The following LILRB2 variants were observed in gnomAD, a reference collection of about 807,000 sequenced individuals.
The protein encoded by LILRB2 is leukocyte immunoglobulin-like receptor subfamily B member 2.
A neutral mutation model predicts 72.7 loss-of-function variants in LILRB2; 47 were observed. That is an observed-to-expected ratio of 0.65 (90% CI 0.51 to 0.82). The LOEUF (loss-of-function observed/expected upper bound fraction) is 0.82, where lower values mean the gene tolerates loss of function less well. LILRB2 is among the 40% of genes least tolerant of loss of function. LILRB2 has a pLI of 0.00. For synonymous variants in LILRB2, 279 were observed against 313.7 expected (o/e 0.89, Z 1.17); for missense variants, 767 against 764.8 (o/e 1.00, Z -0.03).
chr19:54,276,767 AC>A (rs974721255), intron 10 of LILRB2, 39 bp downstream of exon 10: 2 of 1,600,738 alleles, frequency 1.2e-6, no homozygotes, highest in African/African-American at 2.7e-5. Context: ...CCCTGAGCCC[AC>A]CCTCGGTCGG....
chr19:54,276,441 T>C lies in LILRB2; in HGVS notation c.1496A>G (p.Asp499Gly). Residue 499 changes from aspartate (D) to glycine (G), a missense_variant, in exon 11 of 14, where the codon GAT (aspartate) becomes GGT (glycine). By Grantham distance (94) the Asp-to-Gly change is moderately conservative. Around this residue, in one of 3 missense-constraint regions of LILRB2, gnomAD observed 162 missense variants for 176.7 expected, o/e 0.92. Coordinates refer to ENST00000314446, the MANE Select transcript of LILRB2 (RefSeq NM_001080978.4). ...KHWTSTQRKA[D>G]FQHPAGAVGP... Reference sequence around the variant, plus strand: ...CACAGCCCCTGCAGGATGTTGGAAATCAGCCTTTCTCTGGGCTGGGGGAAG... The same window carrying C: ...CACAGCCCCTGCAGGATGTTGGAAACCAGCCTTTCTCTGGGCTGGGGGAAG... 1 of 1,593,882 alleles carries C rather than the reference T, an allele frequency of 6.3e-7. No homozygotes were observed. The highest frequency in any genetic ancestry group is 8.6e-7 in the Non-Finnish European group (1 of 1,164,938).
At position 54,274,422 on chromosome 19, in the gene LILRB2, C is replaced by T; in HGVS notation, c.*261G>A. Reference sequence around the variant, plus strand: ...ATTTATATTGTGATTCAGTTTAAAGCACATTCTTACTTCTGATTTTAGTTT... The same window carrying T: ...ATTTATATTGTGATTCAGTTTAAAGTACATTCTTACTTCTGATTTTAGTTT... On this transcript the variant is annotated 3_prime_UTR_variant, in exon 14 of 14. Transcript: ENST00000314446. The T allele has an allele frequency of 1.8e-6, 1 of 557,064 alleles. No homozygotes were observed. The highest frequency in any genetic ancestry group is 3.0e-5 in the East Asian group (1 of 32,890). 34.5% of individuals were successfully genotyped at this position (557,064 alleles called of 1,614,324 possible). A position where few individuals can be genotyped will look rare whatever the true frequency, so the allele number is the denominator to read the frequency against.
intron 13 of LILRB2, chr19:54,275,395 A>G (rs2080174428): frequency 2.0e-6 from 1 of 502,146 alleles, no homozygotes; most frequent in African/African-American, 1.9e-5. Context: ...TTCTCAGATG[A>G]CAGCTGAGCA....
chr19:54,274,957 A>G (rs767093367), intron 13 of LILRB2, 128 bp from the exon 14 acceptor site: 3 of 1,610,116 alleles, frequency 1.9e-6, no homozygotes, highest in Non-Finnish European at 2.5e-6. Flanking sequence ...CTTTGTGTCC[A>G]GGAATTCCCC....
rs2080507222 is a variant in LILRB2 at position 54,280,623 on chromosome 19, T to A, written c.-48-79A>T. On this transcript the variant is annotated intron_variant, in intron 1 of 13. Transcript: ENST00000314446. ...TGTGGACACTCAGAGGCTGGGTCCTTCTCATGGGGTGTTGTCATCTGCAGC... is the reference window on the plus strand; with the variant it reads ...TGTGGACACTCAGAGGCTGGGTCCTACTCATGGGGTGTTGTCATCTGCAGC... 5 of 1,550,786 alleles carry A rather than the reference T, an allele frequency of 3.2e-6. No individual in the cohort carries two copies. The South Asian group carries it at 5.6e-5, about 18-fold the overall frequency.
At chr19:54,280,635 T>C in intron 1 of LILRB2, 91 bp from the exon 2 acceptor site, 1 of 1,508,216 alleles carries the variant, frequency 6.6e-7, no homozygotes, top group East Asian at 2.3e-5. Context: ...TCATGGGGTG[T>C]TGTCATCTGC....
rs1601131654 is a variant in LILRB2 at position 54,280,668 on chromosome 19, C to A, written c.-48-124G>T. ...TGCAGCCACACAAGAAGCGGAACTG[C>A]CCTCCCAGGAGCCTGACTCTCATTC... is the stretch of plus-strand genomic sequence containing the variant. On this transcript the variant is annotated intron_variant, in intron 1 of 13. Coordinates refer to ENST00000314446, the MANE Select transcript of LILRB2 (RefSeq NM_001080978.4). The A allele has an allele frequency of 2.0e-5, 27 of 1,343,370 alleles. No homozygotes were observed. The East Asian group carries it at 6.5e-4, about 32-fold the overall frequency. 83.2% of individuals were successfully genotyped at this position (1,343,370 alleles called of 1,614,324 possible). A position where few individuals can be genotyped will look rare whatever the true frequency, so the allele number is the denominator to read the frequency against.
Position 54,279,445 on chromosome 19 carries a change from C to T in LILRB2, c.558G>A (p.Val186=), listed in dbSNP as rs764656758. ...TGTGCGACCACCTGCGATTCGGGCT[C>T]ACGGGGCCCACGGAGAAGATGGCGC... is the stretch of plus-strand genomic sequence containing the variant. ...SSRAIFSVGP[V]SPNRRWSHRC... The change falls in exon 5 of 14, where the codon GTG becomes GTA. Residue 186 remains valine (V), a synonymous_variant. Coordinates refer to ENST00000314446, the MANE Select transcript of LILRB2 (RefSeq NM_001080978.4). 2 of 1,614,182 alleles carry T rather than the reference C, an allele frequency of 1.2e-6. No homozygotes were observed. The highest frequency in any genetic ancestry group is 8.5e-7 in the Non-Finnish European group (1 of 1,180,026).
rs776033144 is a variant in LILRB2 at position 54,280,526 on chromosome 19, G to A, written c.-30C>T. 1.2e-6 allele frequency: 2 copies of A among 1,614,022 alleles called. No individual in the cohort carries two copies. The highest frequency in any genetic ancestry group is 1.1e-5 in the South Asian group (1 of 91,080). ...TCTCCTCCCACTGCCCTGCTCTGCG[G>A]ATGGATGAGCCCTCGGTGCTGGCGG... On this transcript the variant is annotated 5_prime_UTR_variant, in exon 2 of 14. Transcript: ENST00000314446.
chr19:54,275,956 T>C lies in LILRB2; in HGVS notation c.1642A>G (p.Thr548Ala), dbSNP rs771663011. Residue 548 changes from threonine to alanine, a missense_variant, in exon 13 of 14, where the codon ACT becomes GCT. By Grantham distance (58) the Thr-to-Ala change is moderately conservative (BLOSUM62 0). Transcript: ENST00000314446. ...GGACAGGGGCGGGGTCTCACCCGAGTGTCCATCTCCACCCCATCTTCAGGC... is the reference window on the plus strand; with the variant it reads ...GGACAGGGGCGGGGTCTCACCCGAGCGTCCATCTCCACCCCATCTTCAGGC... ...TQPEDGVEMDTRAAASEAPQD... is the reference protein window; with the variant it reads ...TQPEDGVEMDARAAASEAPQD... 3.7e-6 allele frequency: 6 copies of C among 1,614,030 alleles called. No individual in the cohort carries two copies. Among genetic ancestry groups the C allele is most frequent in the African/African-American group, 1.3e-5 (1 of 75,016 alleles).
chr19:54,275,590 C>T, intron 13 of LILRB2: 3 of 529,130 alleles, frequency 5.7e-6, no homozygotes, highest in South Asian at 3.1e-5. Context: ...CTGCAGCTCC[C>T]ATGGGGAGCC....
intron 13 of LILRB2, chr19:54,275,134 T>G (rs1471253640): frequency 6.5e-7 from 1 of 1,543,170 alleles, no homozygotes; most frequent in East Asian, 2.3e-5. Context: ...TTTTCCTCAC[T>G]GTTCCCGGGG....
chr19:54,277,158 G>A, intron 9 of LILRB2: 2 of 1,495,546 alleles, frequency 1.3e-6, no homozygotes, highest in South Asian at 2.4e-5. Context: ...AGGGAGCCTG[G>A]GAGTCTGACC....
chr19:54,274,296 A>G lies in LILRB2; in HGVS notation c.*387T>C, dbSNP rs1265869895. ...TGGTTATTCTTTTTCTAAATTCCTTATACGAAAGCCAACGTCATTCATTTC... is the reference window on the plus strand; with the variant it reads ...TGGTTATTCTTTTTCTAAATTCCTTGTACGAAAGCCAACGTCATTCATTTC... On this transcript the variant is annotated 3_prime_UTR_variant, in exon 14 of 14. Transcript: ENST00000314446. The G allele has an allele frequency of 1.1e-5, 2 of 183,132 alleles. No individual in the cohort carries two copies. The highest frequency in any genetic ancestry group is 1.1e-4 in the Admixed American group (2 of 17,918). The allele number at this position is 183,132 out of a possible 1,614,324, so 11.3% of individuals were successfully genotyped here. A position where few individuals can be genotyped will look rare whatever the true frequency, so the allele number is the denominator to read the frequency against.
Position 54,278,884 on chromosome 19 carries a change from T to C in LILRB2, c.883A>G (p.Arg295Gly), listed in dbSNP as rs777056200. ...PVSRSYGGQYRCYGAHNLSSE... is the reference protein window; with the variant it reads ...PVSRSYGGQYGCYGAHNLSSE... ...GAGAGGTTGTGTGCACCGTAGCATC[T>C]GTACTGGCCCCCGTAGGAGCGGCTC... The change falls in exon 6 of 14, where the codon AGA becomes GGA. Residue 295 changes from arginine to glycine, a missense_variant. By Grantham distance (125) the Arg-to-Gly change is moderately radical. This residue lies in a region of LILRB2 where 599 missense variants were observed against 568.2 expected (regional missense o/e 1.05). Transcript: ENST00000314446. 6.2e-7 allele frequency: 1 copy of C among 1,614,130 alleles called. No individual in the cohort carries two copies. Among genetic ancestry groups the C allele is most frequent in the Non-Finnish European group, 8.5e-7 (1 of 1,179,998 alleles).
rs372099514 is a variant in LILRB2, at chr19:54,274,325, GT to G, written c.*357del. Reference sequence around the variant, plus strand: ...GAAAGCCAACGTCATTCATTTCCTAGTTTTTTTTTTTCGTTTCTACTTTTTT... The same window carrying G: ...GAAAGCCAACGTCATTCATTTCCTAGTTTTTTTTTTCGTTTCTACTTTTTT... On this transcript the variant is annotated 3_prime_UTR_variant, in exon 14 of 14. Transcript: ENST00000314446. The G allele has an allele frequency of 0.017, 3,265 of 192,670 alleles. 83 individuals are homozygous for G. Among genetic ancestry groups the G allele is most frequent in the African/African-American group, 0.067 (2,713 of 40,536 alleles). 11.9% of individuals were successfully genotyped at this position (192,670 alleles called of 1,614,324 possible). A position where few individuals can be genotyped will look rare whatever the true frequency, so the allele number is the denominator to read the frequency against.
intron 10 of LILRB2, 131 bp from the exon 11 acceptor site, chr19:54,276,587 A>G (rs1284594813): frequency 1.4e-6 from 2 of 1,444,296 alleles, no homozygotes; most frequent in Non-Finnish European, 1.9e-6. Flanking sequence ...CATGAGATGG[A>G]CAGAGTCCGA....
chr19:54,280,651 C>G, intron 1 of LILRB2, 107 bp from the exon 2 acceptor site: 1 of 1,474,792 alleles, frequency 6.8e-7, no homozygotes, highest in Non-Finnish European at 9.3e-7. Context: ...TCTGCAGCCA[C>G]ACAAGAAGCG....
At position 54,274,794 on chromosome 19, in the gene LILRB2, G is replaced by A. The variant is rs1456240859; in HGVS notation, c.1683C>T (p.Tyr561=). 1.1e-5 allele frequency: 17 copies of A among 1,610,872 alleles called. No homozygotes were observed. The highest frequency in any genetic ancestry group is 2.2e-5 in the East Asian group (1 of 44,604). ...TGAGGGTCAAGCTGTGCAGCTGGGC[G>A]TAGGTCACATCCTGGGGGGCTTCAG... ...AASEAPQDVT[Y]AQLHSLTLRR... Residue 561 remains tyrosine (Y), a synonymous_variant, in exon 14 of 14, where the codon TAC becomes TAT. Coordinates refer to ENST00000314446, the MANE Select transcript of LILRB2 (RefSeq NM_001080978.4).
Sources: gnomAD v4.1 joint callset for allele counts on GRCh38, gnomAD v4.1.1 for gene constraint, gnomAD v4.1.1 regional missense constraint, MANE v1.5 for transcripts, NCBI Gene and HGNC (gene_info 2026-07-23, HGNC 2026-07-21) for gene names.